The following ZNF609 variants were observed in gnomAD, a reference collection of about 807,000 sequenced individuals.
ZNF609 encodes zinc finger protein 609.
In ZNF609, 11 loss-of-function variants were observed where a neutral mutation model predicts 109.5. That is an observed-to-expected ratio of 0.10 (90% CI 0.06 to 0.17). The LOEUF is 0.17. Ranked by LOEUF, ZNF609 falls within the 10% of genes least tolerant of loss-of-function variation. The probability of loss-of-function intolerance (pLI) is 1.00; values close to 1 mark genes in which losing one functional copy is unlikely to be tolerated. For missense variants in ZNF609, 1,559 were observed against 1,772.4 expected (o/e 0.88, Z 2.16); for synonymous variants, 646 against 662.0 (o/e 0.98, Z 0.37).
chr15:64,513,867 G>GTTCAA (rs1893768669), intron 2 of ZNF609, among the ~76,000 whole-genome samples: 1 of 152,070 alleles, frequency 6.6e-6, no homozygotes, highest in Admixed American at 6.6e-5. Context: ...CAAGGTGGGA[G>GTTCAA]GACTGCTTGA....
chr15:64,590,103 T>C (rs1240696932), intron 2 of ZNF609, among the ~76,000 whole-genome samples: 1 of 152,188 alleles, frequency 6.6e-6, no homozygotes, highest in Non-Finnish European at 1.5e-5. Flanking sequence ...AACTTAAATC[T>C]TTCCTGGCTG....
chr15:64,660,950 GTTGT>G (rs533587412), intron 3 of ZNF609, among the ~76,000 whole-genome samples: 23 of 151,900 alleles, frequency 1.5e-4, no homozygotes, highest in South Asian at 1.0e-3. Context: ...CTGGGTTTTT[GTTGT>G]TTGTTTGTTT....
intron 2 of ZNF609, among the ~76,000 whole-genome samples, chr15:64,581,765 A>G (rs981469876): frequency 3.9e-5 from 6 of 152,122 alleles, no homozygotes; most frequent in Admixed American, 2.6e-4. Context: ...TTTCTTACTG[A>G]TATTCAGGCG....
chr15:64,627,663 CTTTTTTTTTTT>C, intron 3 of ZNF609, among the ~76,000 whole-genome samples: 1 of 86,014 alleles, frequency 1.2e-5, no homozygotes, highest in South Asian at 4.4e-4. Context: ...TTTTTTCTTT[CTTTTTTTTTTT>C]TTTTTTTTTT....
rs963370872 is a variant in ZNF609, at chr15:64,683,976, CCTTTTT to C, written c.*2291_*2296del. 4.6e-5 allele frequency: 7 copies of C among 152,198 alleles called. No homozygotes were observed. Among genetic ancestry groups the C allele is most frequent in the African/African-American group, 1.7e-4 (7 of 41,422 alleles). 9.4% of individuals were successfully genotyped at this position (152,198 alleles called of 1,614,324 possible). On this transcript the variant is annotated 3_prime_UTR_variant, in exon 10 of 10. Transcript: ENST00000326648. ...CCAGAAGAGAACAGGTTTTTCTTTTCCTTTTTAATTTTTCTTCTTAAACATTTGGCT... is the reference window on the plus strand; with the variant it reads ...CCAGAAGAGAACAGGTTTTTCTTTTCAATTTTTCTTCTTAAACATTTGGCT...
At chr15:64,494,491 G>C (rs987708730) in intron 1 of ZNF609, among the ~76,000 whole-genome samples, 1 of 152,032 alleles carries the variant, frequency 6.6e-6, no homozygotes, top group Non-Finnish European at 1.5e-5. Context: ...GAGTCACAGA[G>C]TTACTTTCTT....
Position 64,499,688 on chromosome 15 carries a change from C to T in ZNF609, c.269C>T (p.Ser90Phe), listed in dbSNP as rs771843068. 6.2e-7 allele frequency: 1 copy of T among 1,614,060 alleles called. No individual in the cohort carries two copies. The highest frequency in any genetic ancestry group is 2.2e-5 in the East Asian group (1 of 44,876). Residue 90 changes from serine (S) to phenylalanine (F), a missense_variant, in exon 2 of 10, where the codon TCC becomes TTC. Around this residue, in one of 4 missense-constraint regions of ZNF609, gnomAD observed 291 missense variants for 317.8 expected, o/e 0.92. Coordinates refer to ENST00000326648, the MANE Select transcript of ZNF609 (RefSeq NM_015042.2). ...CAAGGGAAGGAAGGCAAATCAAAATCCAAAAGGAGTAAGAGTGGCAAAGAC... is the reference window on the plus strand; with the variant it reads ...CAAGGGAAGGAAGGCAAATCAAAATTCAAAAGGAGTAAGAGTGGCAAAGAC... ...GPQGKEGKSK[S>F]KRSKSGKDTS... is the part of the protein sequence containing the mutation.
At chr15:64,579,822 A>G (rs1895067466) in intron 2 of ZNF609, among the ~76,000 whole-genome samples, 1 of 152,212 alleles carries the variant, frequency 6.6e-6, no homozygotes, top group African/African-American at 2.4e-5. Context: ...ATATTGCTTT[A>G]TGCAGTTGTC....
rs745359629 is a variant in ZNF609, at chr15:64,528,104, C to CT, written c.747+27949dup. 6.5e-4 allele frequency among the ~76,000 whole-genome samples: 94 copies of CT among 144,680 alleles called. No homozygotes were observed. The East Asian group carries it at 7.6e-3, about 12-fold the overall frequency. The allele number at this position is 144,680 out of a possible 152,430, so 94.9% of individuals were successfully genotyped here. On this transcript the variant is annotated intron_variant, in intron 2 of 9. Transcript: ENST00000326648. ...CAGGCTTGAGTTTGAATCCTGGCTC[C>CT]TTTTTTTTTTTGAGTTGGAGTCTCG...
At chr15:64,479,786 G>GTGC (rs1893226204) in intron 1 of ZNF609, among the ~76,000 whole-genome samples, 1 of 151,910 alleles carries the variant, frequency 6.6e-6, no homozygotes, top group South Asian at 2.1e-4. Context: ...GGGCATGGTG[G>GTGC]TGCACACCTG....
intron 1 of ZNF609, among the ~76,000 whole-genome samples, chr15:64,475,155 G>A (rs1378958951): frequency 8.6e-6 from 1 of 115,850 alleles, no homozygotes; most frequent in Non-Finnish European, 1.8e-5. Context: ...GCATTTTTCA[G>A]TCTCCATTTC....
At chr15:64,533,559 C>T (rs1894093591) in intron 2 of ZNF609, among the ~76,000 whole-genome samples, 1 of 152,184 alleles carries the variant, frequency 6.6e-6, no homozygotes, top group South Asian at 2.1e-4. Flanking sequence ...CATTTGCTTT[C>T]CACGTTCCAA....
At chr15:64,650,113 CA>C (rs546871709) in intron 3 of ZNF609, among the ~76,000 whole-genome samples, 1,073 of 85,384 alleles carry the variant, frequency 0.013, 10 homozygotes, top group African/African-American at 0.035. Context: ...GAACCCATCT[CA>C]AAAAAAAAAA....
At chr15:64,621,331 TC>T (rs1895872730) in intron 2 of ZNF609, among the ~76,000 whole-genome samples, 1 of 151,982 alleles carries the variant, frequency 6.6e-6, no homozygotes, top group Admixed American at 6.6e-5. Flanking sequence ...AGTTAAAGGA[TC>T]ACTGCCCACT....
At chr15:64,505,015 A>C (rs1193517047) in intron 2 of ZNF609, among the ~76,000 whole-genome samples, 1 of 152,192 alleles carries the variant, frequency 6.6e-6, no homozygotes, top group African/African-American at 2.4e-5. Flanking sequence ...TACATACTCC[A>C]AAATTGCTTT....
intron 1 of ZNF609, among the ~76,000 whole-genome samples, chr15:64,486,405 TC>T (rs1893334340): frequency 6.6e-6 from 1 of 151,596 alleles, no homozygotes; most frequent in South Asian, 2.1e-4. Context: ...GCGCCTGTAG[TC>T]CCGGCTATTC....
intron 2 of ZNF609, chr15:64,528,666 CT>C: frequency 8.8e-7 from 1 of 1,134,254 alleles, no homozygotes; most frequent in Non-Finnish European, 1.3e-6. Flanking sequence ...GTCCAGGGGT[CT>C]TACTCCTTGG....
At chr15:64,556,423 G>A (rs886468264) in intron 2 of ZNF609, among the ~76,000 whole-genome samples, 2 of 152,054 alleles carry the variant, frequency 1.3e-5, no homozygotes, top group Admixed American at 1.3e-4. Context: ...ATGAACCACT[G>A]CTCCTGGCCA....
At chr15:64,470,660 T>G (rs1055210201) in intron 1 of ZNF609, 1 of 152,168 alleles carries the variant, frequency 6.6e-6, no homozygotes, top group African/African-American at 2.4e-5. Context: ...TAGCTGGGAT[T>G]ACAGGCGTGT....
Sources: gnomAD v4.1 joint callset for allele counts (sites outside exome capture counted in the v4.1 genomes callset) on GRCh38, gnomAD v4.1.1 for gene constraint, gnomAD v4.1.1 regional missense constraint, MANE v1.5 for transcripts, NCBI Gene and HGNC (gene_info 2026-07-23, HGNC 2026-07-21) for gene names.